PLAAT5: variants seen among roughly 807,000 people sequenced by gnomAD.
PLAAT5 encodes the protein Ca(2+)-independent N-acyltransferase.
In PLAAT5, 27 loss-of-function variants were observed where a neutral mutation model predicts 27.8. The observed-to-expected ratio is 0.97, with a 90% confidence interval of 0.72 to 1.34. The LOEUF (loss-of-function observed/expected upper bound fraction) is 1.34, where lower values mean the gene tolerates loss of function less well. Among genes scored for constraint, PLAAT5 ranks in the 40% most tolerant of loss-of-function variants. The pLI is 0.00. For missense variants in PLAAT5, 368 were observed against 343.8 expected, an observed-to-expected ratio of 1.07 and a Z score of -0.56; for synonymous variants, 125 against 136.1, an observed-to-expected ratio of 0.92 and a Z score of 0.57.
chr11:63,483,827 A>ATG (rs1385345810), intron 3 of PLAAT5, among the ~76,000 whole-genome samples: 64 of 109,792 alleles, frequency 5.8e-4, no homozygotes, highest in South Asian at 2.0e-3. Context: ...ATATATATAT[A>ATG]TATATATATA....
At chr11:63,477,844 C>T (rs181670913) in intron 3 of PLAAT5, among the ~76,000 whole-genome samples, 93 of 152,202 alleles carry the variant, frequency 6.1e-4, no homozygotes, top group African/African-American at 2.1e-3. Flanking sequence ...CCTTGTGCCG[C>T]GAAGGCTTTA....
intron 3 of PLAAT5, chr11:63,469,350 T>A (rs2015959059): frequency 4.1e-6 from 1 of 243,320 alleles, no homozygotes; most frequent in Non-Finnish European, 9.1e-6. Context: ...GCTAAGATGT[T>A]AGGACTCCGC....
intron 3 of PLAAT5, among the ~76,000 whole-genome samples, chr11:63,483,797 A>ATGTG (rs1565215169): frequency 2.8e-4 from 15 of 54,104 alleles, no homozygotes; most frequent in South Asian, 2.5e-3. Context: ...ATATATATAT[A>ATGTG]TATGTATATA....
chr11:63,477,528 T>G (rs2016179916), intron 3 of PLAAT5, among the ~76,000 whole-genome samples: 1 of 152,056 alleles, frequency 6.6e-6, no homozygotes, highest in Admixed American at 6.6e-5. Flanking sequence ...CAGGCTGGAG[T>G]GCAATGGTGT....
At chr11:63,480,012 C>T (rs1410165065) in intron 3 of PLAAT5, among the ~76,000 whole-genome samples, 1 of 152,190 alleles carries the variant, frequency 6.6e-6, no homozygotes, top group African/African-American at 2.4e-5. Context: ...AGAGTCCTAA[C>T]CAATGCCTTT....
chr11:63,476,556 T>A (rs2016155827), intron 3 of PLAAT5, among the ~76,000 whole-genome samples: 1 of 152,198 alleles, frequency 6.6e-6, no homozygotes, highest in African/African-American at 2.4e-5. Context: ...GTCTCCATTG[T>A]TTCTGATGAA....
chr11:63,471,998 C>T (rs1283270694), intron 3 of PLAAT5, among the ~76,000 whole-genome samples: 7 of 152,028 alleles, frequency 4.6e-5, no homozygotes, highest in Non-Finnish European at 8.8e-5. Flanking sequence ...GATGAGAACA[C>T]GTGGACACAC....
chr11:63,469,145 T>TGTGTGTGTGTGTGAGA (rs377110717), intron 3 of PLAAT5, among the ~76,000 whole-genome samples: 29 of 122,796 alleles, frequency 2.4e-4, no homozygotes, highest in African/African-American at 8.3e-4. Flanking sequence ...TGTGTGTGTG[T>TGTGTGTGTGTGTGAGA]GAGAGAGAGA....
At chr11:63,489,846 T>C (rs1331739682) in intron 2 of PLAAT5, among the ~76,000 whole-genome samples, 1 of 152,206 alleles carries the variant, frequency 6.6e-6, no homozygotes, top group Non-Finnish European at 1.5e-5. Flanking sequence ...AGAGCTCCTC[T>C]CCAAAATTTC....
Position 63,471,864 on chromosome 11 carries a change from A to G in PLAAT5, c.346-3399T>C, listed in dbSNP as rs146670572. 7.5e-4 allele frequency among the ~76,000 whole-genome samples: 115 copies of G among 152,346 alleles called. 1 individual carries two copies. In the East Asian group the frequency reaches 0.017, roughly 22 times the overall value. ...AAATGTGGAATACTATGCAGCCATA[A>G]AAAGGATGAGATCATGTCCTTTGCA... On this transcript the variant is annotated intron_variant, in intron 3 of 5. Coordinates refer to ENST00000540857, the MANE Select transcript of PLAAT5 (RefSeq NM_001146729.2).
Position 63,463,284 on chromosome 11 carries a change from G to C in PLAAT5, c.*219C>G. 1.7e-6 allele frequency: 1 copy of C among 580,776 alleles called. No homozygotes were observed. Among genetic ancestry groups the C allele is most frequent in the Non-Finnish European group, 3.1e-6 (1 of 323,374 alleles). The allele number at this position is 580,776 out of a possible 1,614,324, so 36.0% of individuals were successfully genotyped here. ...CTAGCACAGTGCCTGGCGCATAAGAGATACACACTAGATACCAGATCCTTC... is the reference window on the plus strand; with the variant it reads ...CTAGCACAGTGCCTGGCGCATAAGACATACACACTAGATACCAGATCCTTC... On this transcript the variant is annotated 3_prime_UTR_variant, in exon 6 of 6. Transcript: ENST00000540857.
At chr11:63,476,592 C>T (rs1183644343) in intron 3 of PLAAT5, among the ~76,000 whole-genome samples, 1 of 152,098 alleles carries the variant, frequency 6.6e-6, no homozygotes, top group Non-Finnish European at 1.5e-5. Context: ...TTTTATTGTG[C>T]ATCTCTTGTA....
At position 63,468,428 on chromosome 11, in the gene PLAAT5, A is replaced by C; in HGVS notation, c.383T>G (p.Ile128Ser). 1 of 1,614,152 alleles carries C rather than the reference A, an allele frequency of 6.2e-7. No homozygotes were observed. Among genetic ancestry groups the C allele is most frequent in the South Asian group, 1.1e-5 (1 of 91,082 alleles). Residue 128 changes from isoleucine to serine, a missense_variant, in exon 4 of 6, where the codon ATT (isoleucine) becomes AGT (serine). Coordinates refer to ENST00000540857, the MANE Select transcript of PLAAT5 (RefSeq NM_001146729.2). ...CCAGTGCTCATAGCCAATTCGAAAAATCTCAATCAGGTCTCCAGGTCTGGG... is the reference window on the plus strand; with the variant it reads ...CCAGTGCTCATAGCCAATTCGAAAACTCTCAATCAGGTCTCCAGGTCTGGG... ...PRPRPGDLIE[I>S]FRIGYEHWAI...
chr11:63,486,670 G>A (rs1052250544), intron 3 of PLAAT5, among the ~76,000 whole-genome samples: 1 of 152,152 alleles, frequency 6.6e-6, no homozygotes, highest in African/African-American at 2.4e-5. Context: ...GGAAGGGTGG[G>A]AGTGGGGTGA....
chr11:63,488,909 G>C lies in PLAAT5; in HGVS notation c.307C>G (p.Pro103Ala). Residue 103 changes from proline to alanine, a missense_variant, in exon 3 of 6, where the codon CCT (proline) becomes GCT (alanine). By Grantham distance (27) the Pro-to-Ala change is conservative. Transcript: ENST00000540857. ...QKADWSSIPK[P>A]ENEGKLIKQA... ...TTTATTAACTTGCCTTCATTCTCAG[G>C]CTTTGGAATTGAACTCCAGTCTGCT... is the stretch of plus-strand genomic sequence containing the variant. 6.2e-7 allele frequency: 1 copy of C among 1,613,648 alleles called. No individual in the cohort carries two copies. Among genetic ancestry groups the C allele is most frequent in the Non-Finnish European group, 8.5e-7 (1 of 1,179,722 alleles).
intron 3 of PLAAT5, among the ~76,000 whole-genome samples, chr11:63,482,812 G>A (rs1255855483): frequency 6.6e-6 from 1 of 152,148 alleles, no homozygotes; most frequent in African/African-American, 2.4e-5. Context: ...AAAGGATACA[G>A]AATGGCAGAA....
intron 3 of PLAAT5, among the ~76,000 whole-genome samples, chr11:63,475,082 A>G (rs1223301147): frequency 6.6e-6 from 1 of 152,114 alleles, no homozygotes; most frequent in Non-Finnish European, 1.5e-5. Context: ...AAGAGGGTCT[A>G]CACTGGAAAA....
In PLAAT5 at chr11:63,466,322, C is replaced by T. The variant is rs778058458; in HGVS notation, c.505G>A (p.Val169Met). The T allele has an allele frequency of 1.4e-5, 22 of 1,613,970 alleles. No homozygotes were observed. The highest frequency in any genetic ancestry group is 5.0e-5 in the Admixed American group (3 of 59,972). ...TCCTCCAGACGACTGTATTTCACCACGGCCCGATTGCTAAAGATGGAAGTA... is the reference window on the plus strand; with the variant it reads ...TCCTCCAGACGACTGTATTTCACCATGGCCCGATTGCTAAAGATGGAAGTA... ...SITSIFSNRA[V>M]VKYSRLEDVL... The change falls in exon 5 of 6, where the codon GTG becomes ATG. Residue 169 changes from valine (V) to methionine (M), a missense_variant. Coordinates refer to ENST00000540857, the MANE Select transcript of PLAAT5 (RefSeq NM_001146729.2).
intron 3 of PLAAT5, among the ~76,000 whole-genome samples, chr11:63,485,368 T>C (rs113585401): frequency 0.021 from 3,207 of 152,240 alleles, 117 homozygotes; most frequent in African/African-American, 0.073. Flanking sequence ...TCACATTACC[T>C]GACTTTGAAC....
Sources: allele counts gnomAD v4.1 joint callset (sites outside exome capture counted in the v4.1 genomes callset), GRCh38; gene constraint gnomAD v4.1.1; transcripts MANE v1.5; gene names NCBI Gene and HGNC (gene_info 2026-07-23, HGNC 2026-07-21).